THAP6: variants seen among roughly 807,000 people sequenced by gnomAD.
The protein encoded by THAP6 is THAP domain-containing protein 6.
A neutral mutation model predicts 20.0 loss-of-function variants in THAP6; 13 were observed. That is an observed-to-expected ratio of 0.65 (90% confidence interval 0.42 to 1.03). The LOEUF is 1.03. THAP6 is among the 50% of genes least tolerant of loss of function. The probability of loss-of-function intolerance (pLI) is 0.00; values close to 1 mark genes in which losing one functional copy is unlikely to be tolerated. For synonymous variants in THAP6, 93 were observed against 92.2 expected (o/e 1.01, Z -0.05); for missense variants, 262 against 261.6 (o/e 1.00, Z -0.01).
chr4:75,530,548 T>A (rs1726649209), downstream of THAP6, among the ~76,000 whole-genome samples: 1 of 152,186 alleles, frequency 6.6e-6, no homozygotes, highest in South Asian at 2.1e-4. Context: ...TGGATTAACA[T>A]AATCCATCAG....
At chr4:75,530,214 C>T (rs1726635636), downstream of THAP6, among the ~76,000 whole-genome samples, 1 of 152,166 alleles carries the variant, frequency 6.6e-6, no homozygotes, top group South Asian at 2.1e-4. Context: ...GAGCCCTTTT[C>T]TGCATTGGCC....
At chr4:75,539,736 T>C in intron 2 of THAP6, 1 of 1,399,348 alleles carries the variant, frequency 7.1e-7, no homozygotes, top group Non-Finnish European at 9.5e-7. Flanking sequence ...ACTTACAAAG[T>C]AGACAATAGC....
chr4:75,517,016 C>CTTTT (rs34218401), intron 3 of THAP6, 37 bp downstream of exon 3: 284 of 903,098 alleles, frequency 3.1e-4, no homozygotes, highest in Middle Eastern at 6.6e-4. Flanking sequence ...TCATTGCTCA[C>CTTTT]TTTTTTTTTT....
chr4:75,528,154 G>T lies in THAP6; in HGVS notation c.*940G>T, dbSNP rs1726496832. 1 of 985,070 alleles carries T rather than the reference G, an allele frequency of 1.0e-6. No individual in the cohort carries two copies. The highest frequency in any genetic ancestry group is 4.7e-5 in the South Asian group (1 of 21,276). The allele number at this position is 985,070 out of a possible 1,614,324, so 61.0% of individuals were successfully genotyped here. A position where few individuals can be genotyped will look rare whatever the true frequency, so the allele number is the denominator to read the frequency against. On this transcript the variant is annotated 3_prime_UTR_variant, in exon 5 of 5. Transcript: ENST00000311638. ...AGTTGAAATAGGAATTGGAGAGAAA[G>T]GATTAGAATATTTTAATTAGGGGAG...
At chr4:75,541,784 C>T (rs1727011817) in intron 2 of THAP6, among the ~76,000 whole-genome samples, 1 of 151,990 alleles carries the variant, frequency 6.6e-6, no homozygotes, top group South Asian at 2.1e-4. Flanking sequence ...GGCAAGACCT[C>T]GTCTCTACTA....
In THAP6 at chr4:75,529,126, A is replaced by G; in HGVS notation, c.*1912A>G. 1.0e-6 allele frequency: 1 copy of G among 978,926 alleles called. No homozygotes were observed. Among genetic ancestry groups the G allele is most frequent in the Non-Finnish European group, 1.2e-6 (1 of 824,030 alleles). The allele number at this position is 978,926 out of a possible 1,614,324, so 60.6% of individuals were successfully genotyped here. A position where few individuals can be genotyped will look rare whatever the true frequency, so the allele number is the denominator to read the frequency against. ...CTTAATTTTGAGTTCATAAATGGCC[A>G]CCCTAATGGAAAGTTTGGGTATGAT... On this transcript the variant is annotated 3_prime_UTR_variant, in exon 5 of 5. Coordinates refer to ENST00000311638, the MANE Select transcript of THAP6 (RefSeq NM_144721.6).
intron 2 of THAP6, among the ~76,000 whole-genome samples, chr4:75,540,133 G>C (rs960789069): frequency 2.6e-5 from 4 of 152,044 alleles, no homozygotes; most frequent in Non-Finnish European, 5.9e-5. Context: ...TCATTCACCC[G>C]TTCATTCAAC....
rs145525530 is a variant in THAP6, at chr4:75,537,377, A to G, written c.166-5032A>G. ...GGGCCCGGTGGGAGATAATTGAATCATGAGAGCGGTTTCCCCCATACTGTT... is the reference window on the plus strand; with the variant it reads ...GGGCCCGGTGGGAGATAATTGAATCGTGAGAGCGGTTTCCCCCATACTGTT... On this transcript the variant is annotated intron_variant, in intron 2 of 4. Transcript: ENST00000502620. Among the ~76,000 whole-genome samples the G allele has an allele frequency of 3.5e-3, 532 of 152,290 alleles. 4 individuals are homozygous for G. Among genetic ancestry groups the G allele is most frequent in the African/African-American group, 0.013 (520 of 41,544 alleles).
chr4:75,541,446 A>ATG (rs1244032442), intron 2 of THAP6, among the ~76,000 whole-genome samples: 5 of 141,158 alleles, frequency 3.5e-5, no homozygotes, highest in East Asian at 2.0e-4. Flanking sequence ...ATAAGTGTGT[A>ATG]CGTGTGTGTG....
At chr4:75,542,088 C>T (rs778247004) in intron 2 of THAP6, among the ~76,000 whole-genome samples, 2 of 152,176 alleles carry the variant, frequency 1.3e-5, no homozygotes, top group Admixed American at 6.5e-5. Context: ...TAGTATTTCC[C>T]GTGACACCTA....
rs995604651 is a variant in THAP6 at position 75,523,656 on chromosome 4, A to C, written c.414+1795A>C. On this transcript the variant is annotated intron_variant, in intron 4 of 4. Coordinates refer to ENST00000311638, the MANE Select transcript of THAP6 (RefSeq NM_144721.6). The stretch of plus-strand genomic sequence containing the variant: ...CCATCTTTACCAAAAATACAAAAAA[A>C]TTAGCTGGGGGTGGTGGCATATGCC... Among the ~76,000 whole-genome samples the C allele has an allele frequency of 3.2e-4, 48 of 152,024 alleles. 1 individual carries two copies. Among genetic ancestry groups the C allele is most frequent in the Non-Finnish European group, 1.5e-5 (1 of 67,976 alleles).
chr4:75,539,713 A>G, intron 2 of THAP6: 1 of 1,270,374 alleles, frequency 7.9e-7, no homozygotes, highest in Non-Finnish European at 1.0e-6. Flanking sequence ...CAACTTGCTG[A>G]ACTTCTCTGA....
Position 75,522,181 on chromosome 4 carries a change from TCATACA to T in THAP6, c.414+327_414+332del, listed in dbSNP as rs1726075535. 9 of 342,124 alleles carry T rather than the reference TCATACA, an allele frequency of 2.6e-5. No individual in the cohort carries two copies. The South Asian group carries it at 7.1e-4, about 27-fold the overall frequency. The allele number at this position is 342,124 out of a possible 1,614,324, so 21.2% of individuals were successfully genotyped here. A position where few individuals can be genotyped will look rare whatever the true frequency, so the allele number is the denominator to read the frequency against. ...AAAATAGCTATTTAAGTTTTCTCAG[TCATACA>T]CATACAGAGTATTCAAGCTTGCATT... On this transcript the variant is annotated intron_variant, in intron 4 of 4. Coordinates refer to ENST00000311638, the MANE Select transcript of THAP6 (RefSeq NM_144721.6).
intron 2 of THAP6, among the ~76,000 whole-genome samples, chr4:75,536,991 A>C (rs1230114054): frequency 6.6e-6 from 1 of 152,226 alleles, no homozygotes; most frequent in Non-Finnish European, 1.5e-5. Flanking sequence ...ACAATGATGA[A>C]AGGGTCAATT....
chr4:75,535,283 A>G (rs1233567405), intron 2 of THAP6, among the ~76,000 whole-genome samples: 1 of 152,244 alleles, frequency 6.6e-6, no homozygotes, highest in Non-Finnish European at 1.5e-5. Context: ...AAACCATATC[A>G]GAAGCTATGC....
chr4:75,539,910 G>A (rs1364289660), intron 2 of THAP6: 87 of 1,535,942 alleles, frequency 5.7e-5, no homozygotes, highest in Non-Finnish European at 7.4e-5. Context: ...ACCAAGAAGA[G>A]AGAAATGCAT....
intron 3 of THAP6, among the ~76,000 whole-genome samples, chr4:75,546,793 C>A (rs543370174): frequency 1.3e-5 from 2 of 152,286 alleles, no homozygotes; most frequent in East Asian, 3.9e-4. Flanking sequence ...CCATTCCAGC[C>A]TTCAGTTGAT....
rs115460867 is a variant in THAP6 at position 75,518,863 on chromosome 4, A to G, written c.288+1884A>G. 4.6e-3 allele frequency among the ~76,000 whole-genome samples: 696 copies of G among 152,356 alleles called. 1 individual carries two copies. The highest frequency in any genetic ancestry group is 0.016 in the African/African-American group (651 of 41,576). ...CCCAATCTGTTTGTGCTGCAGATCT[A>G]TGGATCACATGTTTAAGAGAAACCT... On this transcript the variant is annotated intron_variant, in intron 3 of 4. Transcript: ENST00000311638.
intron 4 of THAP6, among the ~76,000 whole-genome samples, chr4:75,524,268 C>T (rs991144970): frequency 1.3e-5 from 2 of 152,104 alleles, no homozygotes; most frequent in African/African-American, 4.8e-5. Context: ...TCATGCATTT[C>T]ACTTTTACAT....
Sources: gnomAD v4.1 joint callset for allele counts (sites outside exome capture counted in the v4.1 genomes callset) on GRCh38, gnomAD v4.1.1 for gene constraint, MANE v1.5 for transcripts, NCBI Gene and HGNC (gene_info 2026-07-23, HGNC 2026-07-21) for gene names.